The following PKNOX2 variants were observed in gnomAD, a reference collection of about 807,000 sequenced individuals.
PKNOX2 encodes PBX/knotted 1 homeobox 2.
Under a neutral mutation model 53.1 loss-of-function variants are expected in PKNOX2, and 14 were observed. The ratio of observed to expected loss-of-function variants is 0.26; its 90% CI spans 0.17 to 0.41. PKNOX2 has a LOEUF of 0.41. Ranked by LOEUF, PKNOX2 falls within the 10% of genes least tolerant of loss-of-function variation. The pLI is 1.00. For synonymous variants in PKNOX2, 257 were observed against 242.8 expected (o/e 1.06, Z -0.54); for missense variants, 496 against 602.8 (o/e 0.82, Z 1.85).
At chr11:125,272,547 C>T (rs771577963) in intron 2 of PKNOX2, among the ~76,000 whole-genome samples, 1 of 152,144 alleles carries the variant, frequency 6.6e-6, no homozygotes, top group Non-Finnish European at 1.5e-5. Context: ...CTTTCCATTT[C>T]CTTCCGTGCC....
chr11:125,260,302 G>A (rs1429818410), intron 2 of PKNOX2, among the ~76,000 whole-genome samples: 3 of 152,092 alleles, frequency 2.0e-5, no homozygotes, highest in South Asian at 2.1e-4. Flanking sequence ...AGGTTCAAGC[G>A]ATTCTCCTGC....
chr11:125,302,548 C>T lies in PKNOX2; in HGVS notation c.-129-29271C>T, dbSNP rs372730958. The stretch of plus-strand genomic sequence containing the variant: ...CAGCCTCTGGCTGTCAGGAAGCTCT[C>T]GGCCACCCCCATGTACTGGTGGGGC... On this transcript the variant is annotated intron_variant, in intron 2 of 12. Coordinates refer to ENST00000298282, the MANE Select transcript of PKNOX2 (RefSeq NM_001382323.2). Among the ~76,000 whole-genome samples, 23 of 152,334 alleles carry T rather than the reference C, an allele frequency of 1.5e-4. 2 individuals are homozygous for T. Among genetic ancestry groups the T allele is most frequent in the African/African-American group, 5.1e-4 (21 of 41,572 alleles).
intron 1 of PKNOX2, among the ~76,000 whole-genome samples, chr11:125,194,680 A>T (rs1957080747): frequency 1.3e-5 from 2 of 152,082 alleles, no homozygotes; most frequent in African/African-American, 4.8e-5. Context: ...CCTCCTTTTA[A>T]ACTGCTTGCT....
At chr11:125,309,225 TCTTCCTTC>T (rs1334084760) in intron 2 of PKNOX2, among the ~76,000 whole-genome samples, 1 of 149,318 alleles carries the variant, frequency 6.7e-6, no homozygotes, top group South Asian at 2.1e-4. Flanking sequence ...TCTCTCTCTT[TCTTCCTTC>T]CTTCCTCTCT....
At chr11:125,309,383 A>G (rs1948667696) in intron 2 of PKNOX2, among the ~76,000 whole-genome samples, 1 of 137,156 alleles carries the variant, frequency 7.3e-6, no homozygotes, top group East Asian at 2.4e-4. Context: ...CTCTAACAGT[A>G]CCAATTTTTT....
chr11:125,333,259 T>C lies in PKNOX2; in HGVS notation c.-23+1334T>C, dbSNP rs560834445. Among the ~76,000 whole-genome samples, 161 of 152,270 alleles carry C rather than the reference T, an allele frequency of 1.1e-3. 1 individual carries two copies. The highest frequency in any genetic ancestry group is 3.6e-3 in the African/African-American group (151 of 41,554). ...CAAGTTCAGTGGCTTTCTCTGGGAC[T>C]GAGAATAGAACTGAGGCTCTTCCTG... On this transcript the variant is annotated intron_variant, in intron 3 of 12. Transcript: ENST00000298282.
At chr11:125,191,814 A>G (rs963848460) in intron 1 of PKNOX2, among the ~76,000 whole-genome samples, 1 of 152,188 alleles carries the variant, frequency 6.6e-6, no homozygotes, top group Non-Finnish European at 1.5e-5. Flanking sequence ...CGTCACTGGT[A>G]ATGCTGTTAT....
chr11:125,330,633 C>T (rs1207868767), intron 2 of PKNOX2, among the ~76,000 whole-genome samples: 2 of 152,128 alleles, frequency 1.3e-5, no homozygotes, highest in Non-Finnish European at 2.9e-5. Context: ...TTCAAACCTC[C>T]CTCAGGATCC....
rs1282300798 is a variant in PKNOX2 at position 125,410,893 on chromosome 11, G to A, written c.816+17G>A. On this transcript the variant is annotated intron_variant, in intron 9 of 12. Coordinates refer to ENST00000298282, the MANE Select transcript of PKNOX2 (RefSeq NM_001382323.2). Reference sequence around the variant, plus strand: ...AACACACAGGTGAGTGTGTGTAGGTGTGTGCACATGTGCATGGTGTGGGCT... The same window carrying A: ...AACACACAGGTGAGTGTGTGTAGGTATGTGCACATGTGCATGGTGTGGGCT... The A allele has an allele frequency of 4.4e-6, 7 of 1,600,944 alleles. No individual in the cohort carries two copies. In the Admixed American group the frequency reaches 6.7e-5, roughly 15 times the overall value.
At chr11:125,209,432 G>A (rs1420211339) in intron 1 of PKNOX2, among the ~76,000 whole-genome samples, 3 of 152,050 alleles carry the variant, frequency 2.0e-5, no homozygotes, top group African/African-American at 2.4e-5. Context: ...CAATTGATGG[G>A]CATCACTATG....
intron 1 of PKNOX2, among the ~76,000 whole-genome samples, chr11:125,229,035 C>T (rs1459001315): frequency 6.6e-6 from 1 of 152,178 alleles, no homozygotes; most frequent in African/African-American, 2.4e-5. Flanking sequence ...TTCCCCAGCT[C>T]TTTCCCGACT....
chr11:125,193,471 C>A (rs577151083), intron 1 of PKNOX2, among the ~76,000 whole-genome samples: 2 of 152,240 alleles, frequency 1.3e-5, no homozygotes, highest in East Asian at 3.9e-4. Context: ...GCCTTCTGTC[C>A]GTGCCAGTGT....
intron 7 of PKNOX2, among the ~76,000 whole-genome samples, chr11:125,407,601 C>G (rs1955185095): frequency 6.6e-6 from 1 of 152,046 alleles, no homozygotes; most frequent in African/African-American, 2.4e-5. Context: ...ACCCACTCCC[C>G]CATTAAATTT....
At chr11:125,209,109 A>G (rs548520124) in intron 1 of PKNOX2, among the ~76,000 whole-genome samples, 2 of 152,266 alleles carry the variant, frequency 1.3e-5, no homozygotes, top group East Asian at 3.9e-4. Flanking sequence ...TAAAAATTAC[A>G]TAATTCTTTA....
chr11:125,201,528 G>A (rs990134135), intron 1 of PKNOX2, among the ~76,000 whole-genome samples: 2 of 152,196 alleles, frequency 1.3e-5, no homozygotes, highest in African/African-American at 4.8e-5. Context: ...GGTGCTGTGT[G>A]ATTTGCTGCC....
intron 2 of PKNOX2, among the ~76,000 whole-genome samples, chr11:125,294,722 G>A (rs1384474450): frequency 6.6e-6 from 1 of 152,220 alleles, no homozygotes; most frequent in Admixed American, 6.5e-5. Context: ...CCAGTAGTCA[G>A]GCTTATGAAG....
intron 6 of PKNOX2, among the ~76,000 whole-genome samples, chr11:125,389,495 T>G (rs1390314891): frequency 6.6e-6 from 1 of 152,154 alleles, no homozygotes; most frequent in Non-Finnish European, 1.5e-5. Context: ...CTGGCTCCCC[T>G]GGGAAAGGCC....
intron 7 of PKNOX2, among the ~76,000 whole-genome samples, chr11:125,405,947 G>A (rs1955065738): frequency 6.6e-6 from 1 of 152,202 alleles, no homozygotes; most frequent in Non-Finnish European, 1.5e-5. Context: ...TGGATAACCA[G>A]CTGTCATCCC....
At chr11:125,371,177 C>T (rs952553598) in intron 5 of PKNOX2, among the ~76,000 whole-genome samples, 1 of 152,086 alleles carries the variant, frequency 6.6e-6, no homozygotes, top group Non-Finnish European at 1.5e-5. Flanking sequence ...GCAAAGCAAC[C>T]AGGGGCTCCG....
Sources: gnomAD v4.1 joint callset for allele counts (sites outside exome capture counted in the v4.1 genomes callset) on GRCh38, gnomAD v4.1.1 for gene constraint, MANE v1.5 for transcripts, NCBI Gene and HGNC (gene_info 2026-07-23, HGNC 2026-07-21) for gene names.